The following IQCM variants were observed in gnomAD, a reference collection of about 807,000 sequenced individuals.
IQCM encodes the protein IQ domain-containing protein M.
Under a neutral mutation model 57.6 loss-of-function variants are expected in IQCM, and 45 were observed. The ratio of observed to expected loss-of-function variants is 0.78; its 90% CI spans 0.62 to 1.00. IQCM has a LOEUF of 1.00. Among genes scored for constraint, IQCM ranks in the 50% least tolerant of loss-of-function variants. IQCM has a pLI of 0.00. For missense variants in IQCM, 468 were observed against 511.6 expected, an observed-to-expected ratio of 0.91 and a Z score of 0.82; for synonymous variants, 148 against 158.9, an observed-to-expected ratio of 0.93 and a Z score of 0.51.
intron 7 of IQCM, among the ~76,000 whole-genome samples, chr4:149,660,481 G>C (rs1392636065): frequency 2.0e-5 from 3 of 151,992 alleles, no homozygotes; most frequent in Non-Finnish European, 4.4e-5. Context: ...CCCATTACTG[G>C]GTATATACCC....
Position 149,688,594 on chromosome 4 carries a change from T to A in IQCM, c.386-2126A>T, listed in dbSNP as rs189370363. 1.8e-4 allele frequency among the ~76,000 whole-genome samples: 27 copies of A among 151,814 alleles called. No homozygotes were observed. In the East Asian group the frequency reaches 5.3e-3, roughly 30 times the overall value. ...CACCATCATTCTTCACAGAATTTTT[T>A]AAAAAACAATTCTAAAATTTATATG... On this transcript the variant is annotated intron_variant, in intron 5 of 13. Coordinates refer to ENST00000636793, the MANE Select transcript of IQCM (RefSeq NM_001363507.2).
At chr4:149,472,911 G>T (rs1739742934) in intron 12 of IQCM, among the ~76,000 whole-genome samples, 1 of 152,156 alleles carries the variant, frequency 6.6e-6, no homozygotes, top group Non-Finnish European at 1.5e-5. Context: ...GGGAAAACTG[G>T]CTAGCCATAT....
At chr4:149,611,199 G>T (rs1404518718) in intron 8 of IQCM, among the ~76,000 whole-genome samples, 8 of 151,830 alleles carry the variant, frequency 5.3e-5, no homozygotes, top group African/African-American at 1.9e-4. Flanking sequence ...TAAAAAAAAT[G>T]GAATAATGGA....
chr4:149,742,828 ATGAT>A, intron 2 of IQCM, 89 bp from the exon 3 acceptor site: 1 of 538,074 alleles, frequency 1.9e-6, no homozygotes, highest in Non-Finnish European at 2.8e-6. Context: ...AATAGGGTGA[ATGAT>A]TAAAACTTTT....
intron 7 of IQCM, among the ~76,000 whole-genome samples, chr4:149,671,631 C>G (rs1340307604): frequency 1.3e-5 from 2 of 152,096 alleles, no homozygotes; most frequent in African/African-American, 4.8e-5. Context: ...ATAAATTTCC[C>G]TCTACACACT....
chr4:149,746,984 TC>T (rs1038013928), intron 2 of IQCM, among the ~76,000 whole-genome samples: 1 of 152,146 alleles, frequency 6.6e-6, no homozygotes, highest in African/African-American at 2.4e-5. Flanking sequence ...CACTAGGACC[TC>T]CCTCCCAGCT....
intron 12 of IQCM, among the ~76,000 whole-genome samples, chr4:149,529,313 C>T (rs545450992): frequency 6.6e-6 from 1 of 152,310 alleles, no homozygotes; most frequent in East Asian, 1.9e-4. Flanking sequence ...GATCTGCGGG[C>T]CTTGGCCTCC....
At chr4:149,752,410 G>A (rs1357655240) in intron 2 of IQCM, among the ~76,000 whole-genome samples, 3 of 151,962 alleles carry the variant, frequency 2.0e-5, no homozygotes, top group African/African-American at 7.2e-5. Flanking sequence ...AAATTAGCCA[G>A]GCATGGTGGC....
intron 12 of IQCM, among the ~76,000 whole-genome samples, chr4:149,475,020 A>G (rs907031204): frequency 6.6e-6 from 1 of 152,322 alleles, no homozygotes; most frequent in East Asian, 1.9e-4. Context: ...ACTCAGCTGA[A>G]TGAGAAACTG....
chr4:149,445,185 G>A (rs1177754012), intron 12 of IQCM, among the ~76,000 whole-genome samples: 1 of 151,766 alleles, frequency 6.6e-6, no homozygotes, highest in African/African-American at 2.4e-5. Flanking sequence ...GAACATTAGT[G>A]TGGTCTTCTT....
At chr4:149,705,525 T>A (rs183822206) in intron 5 of IQCM, among the ~76,000 whole-genome samples, 1 of 151,910 alleles carries the variant, frequency 6.6e-6, no homozygotes, top group African/African-American at 2.4e-5. Context: ...TTGGCATACC[T>A]TTTATATCCA....
At chr4:149,532,560 A>T (rs1324163850) in intron 12 of IQCM, among the ~76,000 whole-genome samples, 1 of 143,774 alleles carries the variant, frequency 7.0e-6, no homozygotes, top group African/African-American at 2.6e-5. Flanking sequence ...AGACTGAATC[A>T]TTTCTTTTTA....
intron 5 of IQCM, among the ~76,000 whole-genome samples, chr4:149,714,723 C>T (rs997872970): frequency 1.3e-5 from 2 of 152,164 alleles, no homozygotes; most frequent in East Asian, 3.8e-4. Context: ...ATGCCAGCAT[C>T]GCTACTCTTG....
intron 7 of IQCM, among the ~76,000 whole-genome samples, chr4:149,636,616 T>A (rs945143448): frequency 4.6e-5 from 7 of 152,170 alleles, no homozygotes; most frequent in South Asian, 2.1e-4. Context: ...ATTATTTTTT[T>A]AAATATTTTT....
At chr4:149,422,221 T>C (rs960231049) in intron 13 of IQCM, among the ~76,000 whole-genome samples, 30 of 151,904 alleles carry the variant, frequency 2.0e-4, no homozygotes, top group African/African-American at 6.3e-4. Flanking sequence ...TACTACTTAA[T>C]ATGTGTAGTT....
chr4:149,534,554 C>T (rs533907498), intron 12 of IQCM, among the ~76,000 whole-genome samples: 2 of 152,056 alleles, frequency 1.3e-5, no homozygotes, highest in South Asian at 2.1e-4. Context: ...CCTCATCATG[C>T]TAAAATTATA....
intron 12 of IQCM, among the ~76,000 whole-genome samples, chr4:149,521,342 G>A (rs371214747): frequency 2.6e-5 from 4 of 151,624 alleles, no homozygotes; most frequent in Non-Finnish European, 4.4e-5. Context: ...GGGAGGGAGG[G>A]GAAAAATAAA....
At chr4:149,764,089 C>A (rs1769800099) in intron 2 of IQCM, among the ~76,000 whole-genome samples, 1 of 152,076 alleles carries the variant, frequency 6.6e-6, no homozygotes, top group South Asian at 2.1e-4. Context: ...TGCTCTTATA[C>A]CTTGTTGGGG....
At chr4:149,413,646 T>C (rs901530162) in intron 13 of IQCM, among the ~76,000 whole-genome samples, 1 of 152,178 alleles carries the variant, frequency 6.6e-6, no homozygotes, top group African/African-American at 2.4e-5. Flanking sequence ...CAGAGTTCGA[T>C]TTGGGCTGTG....
Sources: gnomAD v4.1 joint callset for allele counts (sites outside exome capture counted in the v4.1 genomes callset) on GRCh38, gnomAD v4.1.1 for gene constraint, MANE v1.5 for transcripts, NCBI Gene and HGNC (gene_info 2026-07-23, HGNC 2026-07-21) for gene names.